RIMKLA: variants seen among roughly 807,000 people sequenced by gnomAD.
RIMKLA encodes the protein ribosomal modification protein rimK like family member A, also known as N-acetylaspartylglutamate synthase A.
RIMKLA carries 14 observed loss-of-function variants against 32.7 expected under a neutral mutation model. That is an observed-to-expected ratio of 0.43 (90% CI 0.28 to 0.67). The LOEUF is 0.67. Among genes scored for constraint, RIMKLA ranks in the 30% least tolerant of loss-of-function variants. RIMKLA has a pLI of 0.18. For synonymous variants in RIMKLA, 176 were observed against 204.1 expected (o/e 0.86, Z 1.18); for missense variants, 410 against 519.0 (o/e 0.79, Z 2.04).
chr1:42,397,534 G>T (rs1643057916), intron 1 of RIMKLA, among the ~76,000 whole-genome samples: 1 of 152,102 alleles, frequency 6.6e-6, no homozygotes, highest in South Asian at 2.1e-4. Flanking sequence ...ACCAGCCTAG[G>T]CAACATAGCA....
Position 42,415,157 on chromosome 1 carries a change from A to C in RIMKLA, c.*183A>C, listed in dbSNP as rs1643235326. On this transcript the variant is annotated 3_prime_UTR_variant, in exon 5 of 5. Transcript: ENST00000431473. ...TAGCTTTGTGGTTTTTACAAAGACA[A>C]ATATAAAAACACTCAAGAACAACGT... is the stretch of plus-strand genomic sequence containing the variant. The C allele has an allele frequency of 1.7e-6, 1 of 600,334 alleles. No individual in the cohort carries two copies. Among genetic ancestry groups the C allele is most frequent in the Non-Finnish European group, 2.8e-6 (1 of 362,346 alleles). The allele number at this position is 600,334 out of a possible 1,614,324, so 37.2% of individuals were successfully genotyped here. A position where few individuals can be genotyped will look rare whatever the true frequency, so the allele number is the denominator to read the frequency against.
chr1:42,404,538 T>C lies in RIMKLA; in HGVS notation c.422T>C (p.Ile141Thr), dbSNP rs1360147107. ...YGGHEDFSKM[I>T]DEAEPLGYPV... ...GGGCATGAAGACTTTTCAAAAATGA[T>C]TGATGAAGCTGAGCCCCTGGGCTAC... The change falls in exon 3 of 5, where the codon ATT becomes ACT. Residue 141 changes from isoleucine to threonine, a missense_variant. Transcript: ENST00000431473. The C allele has an allele frequency of 1.2e-6, 2 of 1,613,770 alleles. No homozygotes were observed. Among genetic ancestry groups the C allele is most frequent in the East Asian group, 2.2e-5 (1 of 44,866 alleles).
chr1:42,382,144 G>C (rs554450283), intron 1 of RIMKLA, among the ~76,000 whole-genome samples: 8 of 152,284 alleles, frequency 5.3e-5, no homozygotes, highest in Admixed American at 1.3e-4. Context: ...GAATATATCT[G>C]TTATAGATTT....
intron 3 of RIMKLA, among the ~76,000 whole-genome samples, chr1:42,405,357 C>T (rs1643134594): frequency 2.6e-5 from 4 of 152,180 alleles, no homozygotes; most frequent in African/African-American, 9.7e-5. Context: ...GCGAGCTGCT[C>T]ATTGGTGGGG....
At position 42,420,271 on chromosome 1, in the gene RIMKLA, A is replaced by G. The variant is rs1643284101; in HGVS notation, c.*5297A>G. ...CCTGCAATGCATCAGCTGAGACATGAAGCTCAGTTTCCTCGCCCATTTCCA... is the reference window on the plus strand; with the variant it reads ...CCTGCAATGCATCAGCTGAGACATGGAGCTCAGTTTCCTCGCCCATTTCCA... On this transcript the variant is annotated 3_prime_UTR_variant, in exon 5 of 5. Coordinates refer to ENST00000431473, the MANE Select transcript of RIMKLA (RefSeq NM_173642.4). 6.6e-6 allele frequency: 1 copy of G among 152,286 alleles called. No individual in the cohort carries two copies. Among genetic ancestry groups the G allele is most frequent in the Non-Finnish European group, 1.5e-5 (1 of 68,052 alleles). The allele number at this position is 152,286 out of a possible 1,614,324, so 9.4% of individuals were successfully genotyped here.
intron 1 of RIMKLA, 140 bp downstream of exon 1, chr1:42,381,237 C>T: frequency 3.4e-6 from 2 of 580,840 alleles, no homozygotes; most frequent in Non-Finnish European, 5.1e-6. Context: ...TGCGAGACTT[C>T]TTGGGGTTGG....
chr1:42,398,309 A>C (rs923246324), intron 1 of RIMKLA, among the ~76,000 whole-genome samples: 3 of 152,166 alleles, frequency 2.0e-5, no homozygotes, highest in African/African-American at 4.8e-5. Flanking sequence ...TAATATTCCT[A>C]CTTAACCCAG....
intron 1 of RIMKLA, among the ~76,000 whole-genome samples, chr1:42,385,899 C>CTTTCT (rs1557750139): frequency 5.8e-4 from 14 of 24,022 alleles, no homozygotes; most frequent in Non-Finnish European, 8.7e-4. Context: ...TCTTTCTTTC[C>CTTTCT]TTCTTTCCTT....
intron 1 of RIMKLA, among the ~76,000 whole-genome samples, chr1:42,385,800 T>TTTCC (rs1157972213): frequency 1.6e-4 from 16 of 100,856 alleles, no homozygotes; most frequent in Non-Finnish European, 2.8e-4. Context: ...TCTTTCTTTC[T>TTTCC]CTCTCTCTTT....
chr1:42,383,033 T>TTTTA (rs531801323), intron 1 of RIMKLA, among the ~76,000 whole-genome samples: 2,901 of 149,726 alleles, frequency 0.019, 36 homozygotes, highest in Middle Eastern at 0.045. Flanking sequence ...TTAATTTTTA[T>TTTTA]TTTATTTATT....
At chr1:42,400,724 G>A (rs1259095057) in intron 2 of RIMKLA, among the ~76,000 whole-genome samples, 1 of 152,150 alleles carries the variant, frequency 6.6e-6, no homozygotes, top group Non-Finnish European at 1.5e-5. Context: ...TCTGTTTGAG[G>A]TGTCTGTAGT....
chr1:42,400,473 C>T (rs906419373), intron 2 of RIMKLA, among the ~76,000 whole-genome samples: 3 of 152,120 alleles, frequency 2.0e-5, no homozygotes, highest in African/African-American at 7.2e-5. Context: ...TCTAAACTAA[C>T]AGTGGGAATG....
At chr1:42,395,644 C>T (rs980032444) in intron 1 of RIMKLA, among the ~76,000 whole-genome samples, 6 of 152,082 alleles carry the variant, frequency 3.9e-5, no homozygotes, top group Admixed American at 1.3e-4. Context: ...ACTTGAGGTC[C>T]GTAGATTGCA....
chr1:42,414,071 G>A (rs1197998854), intron 4 of RIMKLA, among the ~76,000 whole-genome samples: 1 of 151,550 alleles, frequency 6.6e-6, no homozygotes, highest in Non-Finnish European at 1.5e-5. Context: ...TATTATTAAT[G>A]GCTGTAAAAT....
In RIMKLA at chr1:42,416,101, A is replaced by G. The variant is rs1643246143; in HGVS notation, c.*1127A>G. 2 of 128,610 alleles carry G rather than the reference A, an allele frequency of 1.6e-5. 1 individual carries two copies. Among genetic ancestry groups the G allele is most frequent in the Non-Finnish European group, 3.4e-5 (2 of 58,930 alleles). 8.0% of individuals were successfully genotyped at this position (128,610 alleles called of 1,614,324 possible). A position where few individuals can be genotyped will look rare whatever the true frequency, so the allele number is the denominator to read the frequency against. On this transcript the variant is annotated 3_prime_UTR_variant, in exon 5 of 5. Transcript: ENST00000431473. Reference sequence around the variant, plus strand: ...TGCACATTTTGCGGGGGGGGGGGCTAATGTAGACATGACACCAAGTGCTTT... The same window carrying G: ...TGCACATTTTGCGGGGGGGGGGGCTGATGTAGACATGACACCAAGTGCTTT...
chr1:42,382,287 C>G (rs970030536), intron 1 of RIMKLA, among the ~76,000 whole-genome samples: 6 of 152,230 alleles, frequency 3.9e-5, no homozygotes, highest in Non-Finnish European at 7.3e-5. Context: ...CCGGTACCCT[C>G]TCTCTATCCT....
rs1011938141 is a variant in RIMKLA at position 42,422,886 on chromosome 1, G to A, written c.*7912G>A. Among the ~76,000 whole-genome samples the A allele has an allele frequency of 3.3e-5, 5 of 152,148 alleles. No homozygotes were observed. Among genetic ancestry groups the A allele is most frequent in the African/African-American group, 1.2e-4 (5 of 41,418 alleles). On this transcript the variant is annotated 3_prime_UTR_variant, in exon 5 of 5. Coordinates refer to ENST00000431473, the MANE Select transcript of RIMKLA (RefSeq NM_173642.4). ...ACGGGCCTGCTCAGCGTGCTCTCCC[G>A]GGCTGACATTCGAATTAAGATTCAA...
chr1:42,395,147 C>A (rs1381497226), intron 1 of RIMKLA, among the ~76,000 whole-genome samples: 1 of 152,060 alleles, frequency 6.6e-6, no homozygotes, highest in Non-Finnish European at 1.5e-5. Flanking sequence ...AAAATATTTT[C>A]AAATATAAAT....
intron 1 of RIMKLA, among the ~76,000 whole-genome samples, chr1:42,391,889 C>T (rs916524440): frequency 2.6e-5 from 4 of 152,070 alleles, no homozygotes; most frequent in Admixed American, 2.0e-4. Context: ...AGACCCAAAG[C>T]GATTTTTGTG....
Sources: gnomAD v4.1 joint callset for allele counts (sites outside exome capture counted in the v4.1 genomes callset) on GRCh38, gnomAD v4.1.1 for gene constraint, MANE v1.5 for transcripts, NCBI Gene and HGNC (gene_info 2026-07-23, HGNC 2026-07-21) for gene names.